The following HEATR5B variants were observed in gnomAD, a reference collection of about 807,000 sequenced individuals.
HEATR5B encodes the protein HEAT repeat containing 5B, also known as HEAT repeat-containing protein 5B.
HEATR5B carries 156 observed loss-of-function variants against 224.1 expected under a neutral mutation model. The observed-to-expected ratio is 0.70, with a 90% CI of 0.61 to 0.80. The LOEUF (loss-of-function observed/expected upper bound fraction) is 0.80, where lower values mean the gene tolerates loss of function less well. HEATR5B is among the 30% of genes least tolerant of loss of function. The pLI is 0.00. For synonymous variants in HEATR5B, 1,027 were observed against 893.0 expected, an observed-to-expected ratio of 1.15 and a Z score of -2.68; for missense variants, 2,323 against 2,535.5, an observed-to-expected ratio of 0.92 and a Z score of 1.80.
chr2:37,053,071 C>T (rs1424521963), intron 17 of HEATR5B, among the ~76,000 whole-genome samples: 1 of 152,088 alleles, frequency 6.6e-6, no homozygotes, highest in Non-Finnish European at 1.5e-5. Flanking sequence ...AGAAATTACT[C>T]TGGACACAAA....
At position 37,019,856 on chromosome 2, in the gene HEATR5B, CT is replaced by C; in HGVS notation, c.4056del (p.Ala1353ProfsTer10). ...TCTGATGGTGTATCTTGTGAAAAGGCTGGTCTTAGAGCAGCTCCCACCTAGA... is the reference window on the plus strand; with the variant it reads ...TCTGATGGTGTATCTTGTGAAAAGGCGGTCTTAGAGCAGCTCCCACCTAGA... ...YQANVGAALR[P>X]AFSQDTPSDI... is the part of the protein sequence containing the mutation. On this transcript the variant is annotated frameshift_variant, in exon 26 of 36. Coordinates refer to ENST00000233099, the MANE Select transcript of HEATR5B (RefSeq NM_019024.3). LOFTEE classifies it high-confidence loss of function. 6.2e-7 allele frequency: 1 copy of C among 1,609,776 alleles called. No homozygotes were observed. Among genetic ancestry groups the C allele is most frequent in the Non-Finnish European group, 8.5e-7 (1 of 1,178,188 alleles).
At chr2:37,077,750 T>C (rs535987299) in intron 3 of HEATR5B, among the ~76,000 whole-genome samples, 7 of 152,374 alleles carry the variant, frequency 4.6e-5, no homozygotes, top group South Asian at 4.1e-4. Flanking sequence ...TTGACCATTT[T>C]ATATGTCTCT....
intron 28 of HEATR5B, 74 bp downstream of exon 28, chr2:37,008,537 G>T: frequency 9.9e-7 from 1 of 1,013,306 alleles, no homozygotes; most frequent in Non-Finnish European, 1.6e-6. Context: ...GTTGTTGCTA[G>T]TCTATACCGT....
chr2:36,989,002 G>A, intron 34 of HEATR5B, 143 bp from the exon 35 acceptor site: 1 of 633,300 alleles, frequency 1.6e-6, no homozygotes, highest in Non-Finnish European at 2.7e-6. Flanking sequence ...GAGAAATGGA[G>A]TAGAATAGAA....
intron 12 of HEATR5B, among the ~76,000 whole-genome samples, chr2:37,059,802 GTAAA>G (rs1671166703): frequency 6.6e-6 from 1 of 151,880 alleles, no homozygotes; most frequent in East Asian, 1.9e-4. Context: ...ATATATTTGT[GTAAA>G]TATATATGTA....
At chr2:36,989,650 T>C (rs1252760520) in intron 34 of HEATR5B, among the ~76,000 whole-genome samples, 1 of 152,130 alleles carries the variant, frequency 6.6e-6, no homozygotes, top group African/African-American at 2.4e-5. Flanking sequence ...CACTTTGTAT[T>C]AGAAAGGCTT....
chr2:37,019,690 C>A, intron 26 of HEATR5B, 119 bp downstream of exon 26: 1 of 645,446 alleles, frequency 1.5e-6, no homozygotes, highest in East Asian at 2.8e-5. Context: ...CTCCTGAATT[C>A]AAGCGATCCT....
At position 37,010,983 on chromosome 2, in the gene HEATR5B, G is replaced by A. The variant is rs558794081; in HGVS notation, c.4285-2135C>T. ...AGGCTAATATTACAATGAGAGGGAA[G>A]TAAAAAGGTGCTTAAGAGAAGAAAC... On this transcript the variant is annotated intron_variant, in intron 27 of 35. Coordinates refer to ENST00000233099, the MANE Select transcript of HEATR5B (RefSeq NM_019024.3). 2.6e-5 allele frequency among the ~76,000 whole-genome samples: 4 copies of A among 151,830 alleles called. 1 individual carries two copies. The highest frequency in any genetic ancestry group is 7.2e-5 in the African/African-American group (3 of 41,434).
intron 9 of HEATR5B, 132 bp from the exon 10 acceptor site, chr2:37,065,122 C>T (rs1671511141): frequency 4.9e-6 from 4 of 822,786 alleles, no homozygotes; most frequent in Non-Finnish European, 7.6e-6. Context: ...ACAACTTTGC[C>T]TAAAACTACA....
At chr2:37,049,105 A>G (rs151050528) in intron 18 of HEATR5B, among the ~76,000 whole-genome samples, 288 of 152,328 alleles carry the variant, frequency 1.9e-3, no homozygotes, top group African/African-American at 6.6e-3. Flanking sequence ...TCTTAATGAA[A>G]CATCACTAAT....
chr2:37,074,621 A>G (rs1672116142), intron 5 of HEATR5B, among the ~76,000 whole-genome samples: 1 of 152,196 alleles, frequency 6.6e-6, no homozygotes, highest in African/African-American at 2.4e-5. Context: ...GAGACAGGCC[A>G]CCCATTGGGA....
intron 30 of HEATR5B, among the ~76,000 whole-genome samples, chr2:37,005,252 C>A (rs1327524692): frequency 1.3e-5 from 2 of 152,176 alleles, no homozygotes; most frequent in Admixed American, 6.5e-5. Context: ...GCATGTGTTG[C>A]CTCACTAATT....
Position 37,013,846 on chromosome 2 carries a change from C to A in HEATR5B, c.4279G>T (p.Ala1427Ser), listed in dbSNP as rs765230939. ...MEKLAVLKAW[A>S]EVYVVAMNIK... ...GATTGTGGTTTAGTCGTTACCTCTG[C>A]CCAAGCTTTGAGAACAGCCAGTTTT... Residue 1427 changes from alanine (A) to serine (S), a missense_variant, in exon 27 of 36, where the codon GCA becomes TCA. Transcript: ENST00000233099. 1.3e-6 allele frequency: 2 copies of A among 1,578,760 alleles called. No homozygotes were observed. The highest frequency in any genetic ancestry group is 3.6e-5 in the Admixed American group (2 of 55,986).
chr2:37,072,681 A>C (rs752530693), intron 5 of HEATR5B, among the ~76,000 whole-genome samples: 17 of 152,188 alleles, frequency 1.1e-4, no homozygotes, highest in Admixed American at 8.5e-4. Context: ...CTAACAAAGA[A>C]TAGAAATGAA....
At chr2:37,061,741 T>C (rs941760208) in intron 11 of HEATR5B, among the ~76,000 whole-genome samples, 198 bp downstream of exon 11, 1 of 152,188 alleles carries the variant, frequency 6.6e-6, no homozygotes, top group Non-Finnish European at 1.5e-5. Flanking sequence ...TGCTAACAAC[T>C]TTCTCATTAA....
chr2:37,006,019 T>C (rs2706812), intron 29 of HEATR5B, among the ~76,000 whole-genome samples: 8,073 of 152,276 alleles, frequency 0.053, 725 homozygotes, highest in African/African-American at 0.18. Context: ...TATGAAGATA[T>C]TAAGTTTTTA....
intron 26 of HEATR5B, among the ~76,000 whole-genome samples, chr2:37,019,460 CTTTT>C (rs754220468): frequency 3.5e-5 from 5 of 143,478 alleles, no homozygotes; most frequent in Non-Finnish European, 1.5e-5. Context: ...TCCTCTCTCT[CTTTT>C]TTTTTTTTTT....
chr2:37,012,609 C>T (rs549957322), intron 27 of HEATR5B, among the ~76,000 whole-genome samples: 3 of 152,084 alleles, frequency 2.0e-5, no homozygotes, highest in Non-Finnish European at 4.4e-5. Flanking sequence ...AGGCTGGTCT[C>T]GAACTCCTGA....
rs11686721 is a variant in HEATR5B at position 37,057,359 on chromosome 2, A to C, written c.2181T>G (p.Gly727=). The C allele has an allele frequency of 6.2e-7, 1 of 1,610,990 alleles. No homozygotes were observed. Residue 727 remains glycine (G), a synonymous_variant, in exon 15 of 36, where the codon GGT becomes GGG. Transcript: ENST00000233099. ...LCHYDDSVLL[G]SWLQETDHKS... is the part of the protein sequence containing the mutation. ...TATGATCAGTTTCCTGAAGCCAAGA[A>C]CCAAGAAGAACACTATCATCATAAT...
Sources: gnomAD v4.1 joint callset for allele counts (sites outside exome capture counted in the v4.1 genomes callset) on GRCh38, gnomAD v4.1.1 for gene constraint, MANE v1.5 for transcripts, NCBI Gene and HGNC (gene_info 2026-07-23, HGNC 2026-07-21) for gene names.